The following DCAF8L2 variants were observed in gnomAD, a reference collection of about 807,000 sequenced individuals.
DCAF8L2 encodes the protein DDB1 and CUL4 associated factor 8 like 2.
For synonymous variants in DCAF8L2, 200 were observed against 190.9 expected, an observed-to-expected ratio of 1.05 and a Z score of -0.39; for missense variants, 430 against 490.7, an observed-to-expected ratio of 0.88 and a Z score of 1.17.
the DCAF8L2 span, among the ~76,000 whole-genome samples, chrX:27,543,356 A>G: frequency 8.9e-6 from 1 of 112,262 alleles, no homozygotes; most frequent in East Asian, 2.8e-4. Context: ...CTGTTTTTGT[A>G]TGAATACTAT....
chrX:27,519,596 A>AT, the DCAF8L2 span: 1 of 658,662 alleles, frequency 1.5e-6, no homozygotes, highest in African/African-American at 2.1e-5. Flanking sequence ...CCTCCGACAG[A>AT]AAACGAACAT....
intron 3 of DCAF8L2, among the ~76,000 whole-genome samples, chrX:27,683,863 T>G (rs184455031): frequency 8.9e-6 from 1 of 111,859 alleles, no homozygotes; most frequent in African/African-American, 3.2e-5. Flanking sequence ...TCACCTGAGA[T>G]TGCACTGTTC....
At chrX:27,587,273 G>T (rs1265485965), upstream of DCAF8L2, among the ~76,000 whole-genome samples, 1 of 111,518 alleles carries the variant, frequency 9.0e-6, no homozygotes, top group Non-Finnish European at 1.9e-5. Context: ...CATACAAGAA[G>T]TTCCTTTTTA....
chrX:27,701,507 A>G (rs1174829587), intron 3 of DCAF8L2, among the ~76,000 whole-genome samples: 1 of 111,384 alleles, frequency 9.0e-6, no homozygotes. Context: ...ACTGAAATTA[A>G]TAAAATATAT....
chrX:27,487,509 C>T, the DCAF8L2 span, among the ~76,000 whole-genome samples: 1 of 111,716 alleles, frequency 9.0e-6, no homozygotes, highest in Non-Finnish European at 1.9e-5. Context: ...TCTTGAACTC[C>T]TGACCTAAAG....
At chrX:27,555,240 G>A in the DCAF8L2 span, among the ~76,000 whole-genome samples, 2 of 111,915 alleles carry the variant, frequency 1.8e-5, no homozygotes, top group African/African-American at 6.5e-5. Flanking sequence ...TTGATCAGAG[G>A]CCCAACAGAA....
chrX:27,478,300 A>G, the DCAF8L2 span, among the ~76,000 whole-genome samples: 3 of 112,381 alleles, frequency 2.7e-5, no homozygotes, highest in South Asian at 3.6e-4. Flanking sequence ...TAAAGCATAT[A>G]CAAGCTGCAG....
intron 4 of DCAF8L2, among the ~76,000 whole-genome samples, chrX:27,736,497 A>T (rs368433099): frequency 1.8e-5 from 2 of 112,389 alleles, no homozygotes; most frequent in East Asian, 5.6e-4. Flanking sequence ...GAGCAAAGCA[A>T]ACTAGACACA....
upstream of DCAF8L2, among the ~76,000 whole-genome samples, chrX:27,587,985 A>AAAAAATATAT: frequency 3.6e-4 from 8 of 22,367 alleles, no homozygotes; most frequent in African/African-American, 6.9e-4. Context: ...TAAAAAAAAA[A>AAAAAATATAT]ATATATATAT....
At chrX:27,640,393 A>G (rs1928668972) in intron 2 of DCAF8L2, among the ~76,000 whole-genome samples, 1 of 111,819 alleles carries the variant, frequency 8.9e-6, no homozygotes, top group South Asian at 3.7e-4. Context: ...TTACTAACAT[A>G]CATTTGCATT....
At chrX:27,641,013 T>C (rs766539810) in intron 2 of DCAF8L2, among the ~76,000 whole-genome samples, 1 of 111,960 alleles carries the variant, frequency 8.9e-6, no homozygotes, top group South Asian at 3.7e-4. Flanking sequence ...TTTATTTCCA[T>C]TTTCCCTGCC....
the DCAF8L2 span, among the ~76,000 whole-genome samples, chrX:27,471,356 T>C: frequency 2.7e-5 from 3 of 111,522 alleles, no homozygotes; most frequent in East Asian, 8.4e-4. Context: ...CCCTTTTGTT[T>C]TCCTGCAGTC....
chrX:27,646,823 G>C, intron 2 of DCAF8L2, among the ~76,000 whole-genome samples: 1 of 111,437 alleles, frequency 9.0e-6, no homozygotes, highest in Non-Finnish European at 1.9e-5. Context: ...CAACATAACT[G>C]ATCATTAGAG....
At chrX:27,746,105 G>A (rs1922147515) in intron 4 of DCAF8L2, among the ~76,000 whole-genome samples, 1 of 110,912 alleles carries the variant, frequency 9.0e-6, no homozygotes, top group Admixed American at 9.6e-5. Context: ...TTACACTGAG[G>A]GTCTAAATTC....
At chrX:27,590,991 T>TATATATATATATATATA (rs1926046772) in intron 1 of DCAF8L2, among the ~76,000 whole-genome samples, 1 of 68,055 alleles carries the variant, frequency 1.5e-5, no homozygotes, top group Non-Finnish European at 3.0e-5. Flanking sequence ...CCTTTACATT[T>TATATATATATATATATA]TATATATATA....
At chrX:27,675,114 A>G (rs1228029243) in intron 2 of DCAF8L2, among the ~76,000 whole-genome samples, 1 of 112,133 alleles carries the variant, frequency 8.9e-6, no homozygotes, top group East Asian at 2.8e-4. Context: ...GAAAAGGAGT[A>G]ATATTTTAGT....
At chrX:27,536,063 T>C in the DCAF8L2 span, among the ~76,000 whole-genome samples, 1 of 111,989 alleles carries the variant, frequency 8.9e-6, no homozygotes, top group Non-Finnish European at 1.9e-5. Context: ...GTCTTTGTCA[T>C]TGGTTTTATG....
At chrX:27,647,757 A>G (rs191186657) in intron 2 of DCAF8L2, among the ~76,000 whole-genome samples, 266 of 111,099 alleles carry the variant, frequency 2.4e-3, no homozygotes, top group African/African-American at 6.4e-3. Flanking sequence ...ACTTTCTATA[A>G]AAAAGATGAA....
the DCAF8L2 span, among the ~76,000 whole-genome samples, chrX:27,479,664 C>T: frequency 2.7e-5 from 3 of 111,695 alleles, no homozygotes; most frequent in Non-Finnish European, 3.8e-5. Flanking sequence ...ATTTCTTTGT[C>T]GCCAAAGAGG....
Sources: allele counts gnomAD v4.1 joint callset (sites outside exome capture counted in the v4.1 genomes callset), GRCh38; gene constraint gnomAD v4.1.1; transcripts MANE v1.5; gene names NCBI Gene and HGNC (gene_info 2026-07-23, HGNC 2026-07-21).